Variants in BICRA observed in about 807,000 individuals in gnomAD.
BICRA encodes the protein BRD4 interacting chromatin remodeling complex associated protein.
Under a neutral mutation model 96.9 loss-of-function variants are expected in BICRA, and 31 were observed. The ratio of observed to expected loss-of-function variants is 0.32; its 90% CI spans 0.24 to 0.43. The LOEUF (loss-of-function observed/expected upper bound fraction) is 0.43, where lower values mean the gene tolerates loss of function less well. BICRA is among the 20% of genes least tolerant of loss of function. The probability of loss-of-function intolerance (pLI) is 1.00; values close to 1 mark genes in which losing one functional copy is unlikely to be tolerated. For synonymous variants in BICRA, 1,350 were observed against 1,071.8 expected, an observed-to-expected ratio of 1.26 and a Z score of -5.07; for missense variants, 2,283 against 2,190.3, an observed-to-expected ratio of 1.04 and a Z score of -0.84.
chr19:47,664,993 G>A (rs1599833274), intron 1 of BICRA, among the ~76,000 whole-genome samples: 1 of 152,102 alleles, frequency 6.6e-6, no homozygotes, highest in East Asian at 1.9e-4. Flanking sequence ...GACAATTTTG[G>A]GTCCGCAACC....
Position 47,694,935 on chromosome 19 carries a change from G to A in BICRA, c.2931G>A (p.Gly977=). The A allele has an allele frequency of 6.5e-7, 1 of 1,533,958 alleles. No homozygotes were observed. ...PSGIILQNKA[G]GAPAAPQTST... ...GAATCATCCTCCAGAACAAGGCTGG[G>A]GGGGCCCCTGCCGCCCCGCAGACCT... Residue 977 remains glycine (G), a synonymous_variant, in exon 9 of 15, where the codon GGG becomes GGA. Coordinates refer to ENST00000594866, the MANE Select transcript of BICRA (RefSeq NM_001394372.1).
chr19:47,697,214 C>CCAGTCTGGTCTTGAACTT (rs1973359868), intron 11 of BICRA, among the ~76,000 whole-genome samples: 1 of 151,994 alleles, frequency 6.6e-6, no homozygotes, highest in African/African-American at 2.4e-5. Context: ...ACCATGTTGG[C>CCAGTCTGGTCTTGAACTT]CTCAAGTGAT....
intron 1 of BICRA, among the ~76,000 whole-genome samples, chr19:47,612,020 A>G (rs1421634629): frequency 6.6e-6 from 1 of 151,854 alleles, no homozygotes; most frequent in Admixed American, 6.6e-5. Context: ...ACAGGCACCC[A>G]CCACCACACC....
Position 47,694,568 on chromosome 19 carries a change from A to G in BICRA, c.2737A>G (p.Ser913Gly), listed in dbSNP as rs1418971483. 3.8e-6 allele frequency: 6 copies of G among 1,581,534 alleles called. No individual in the cohort carries two copies. Among genetic ancestry groups the G allele is most frequent in the Non-Finnish European group, 5.1e-6 (6 of 1,165,366 alleles). Residue 913 changes from serine (S) to glycine (G), a missense_variant, in exon 8 of 15, where the codon AGC becomes GGC. By Grantham distance (56) the Ser-to-Gly change is moderately conservative. Transcript: ENST00000594866. ...PSDFQLQFPPSQGPHKSPTPP... is the reference protein window; with the variant it reads ...PSDFQLQFPPGQGPHKSPTPP... ...CGACTTCCAGCTCCAGTTCCCACCC[A>G]GCCAGGGGCCCCACAAGTCCCCCAC...
At position 47,681,033 on chromosome 19, in the gene BICRA, G is replaced by A; in HGVS notation, c.1863G>A (p.Val621=). The part of the protein sequence containing the change: ...ATGEAAPVLT[V]QPAPQAPPAV... ...GGGAGGCCGCGCCTGTCCTCACGGT[G>A]CAGCCTGCCCCCCAGGCGCCCCCCG... is the stretch of plus-strand genomic sequence containing the variant. Residue 621 remains valine (V), a synonymous_variant, in exon 6 of 15, where the codon GTG becomes GTA. Coordinates refer to ENST00000594866, the MANE Select transcript of BICRA (RefSeq NM_001394372.1). 1.4e-6 allele frequency: 2 copies of A among 1,429,384 alleles called. No homozygotes were observed. The highest frequency in any genetic ancestry group is 1.8e-6 in the Non-Finnish European group (2 of 1,100,754). 88.5% of individuals were successfully genotyped at this position (1,429,384 alleles called of 1,614,324 possible).
chr19:47,629,334 TC>T (rs1972186279), intron 1 of BICRA, among the ~76,000 whole-genome samples: 1 of 152,064 alleles, frequency 6.6e-6, no homozygotes, highest in Admixed American at 6.6e-5. Context: ...ATTCAACAAC[TC>T]CCCCCATCCC....
intron 1 of BICRA, among the ~76,000 whole-genome samples, chr19:47,659,685 TACACACACAC>T (rs10567798): frequency 0.021 from 2,820 of 132,486 alleles, 70 homozygotes; most frequent in African/African-American, 0.064. Flanking sequence ...TGGTGGTGCA[TACACACACAC>T]ACACACACAC....
Position 47,698,245 on chromosome 19 carries a change from T to G in BICRA, c.3249-389T>G, listed in dbSNP as rs1178171673. Among the ~76,000 whole-genome samples, 1 of 152,046 alleles carries G rather than the reference T, an allele frequency of 6.6e-6. No homozygotes were observed. Among genetic ancestry groups the G allele is most frequent in the African/African-American group, 2.4e-5 (1 of 41,400 alleles). On this transcript the variant is annotated intron_variant, in intron 11 of 14. Transcript: ENST00000594866. The surrounding 1 kb of genome is among the most constrained non-coding windows in gnomAD (Gnocchi z 4.8). Reference sequence around the variant, plus strand: ...ACAGGATCCAGCCTCCCTCCCTTCTTCCCGAAGGCTGCACTTTGGAGGAGG... The same window carrying G: ...ACAGGATCCAGCCTCCCTCCCTTCTGCCCGAAGGCTGCACTTTGGAGGAGG...
upstream of BICRA, among the ~76,000 whole-genome samples, chr19:47,608,648 G>A (rs1232889533): frequency 2.6e-5 from 4 of 151,836 alleles, no homozygotes; most frequent in Non-Finnish European, 5.9e-5. Flanking sequence ...TCGAGCAGGC[G>A]CGCCCCTGAA....
Position 47,680,814 on chromosome 19 carries a change from G to A in BICRA, c.1644G>A (p.Gln548=), listed in dbSNP as rs769538557. ...ACATCCTCTCCGCCGCTCCCATCCA[G>A]GTGGGCCAGCCTGCGCTCTTCCAGA... ...SAHILSAAPI[Q]VGQPALFQMP... Residue 548 remains glutamine, a synonymous_variant, in exon 6 of 15, where the codon CAG becomes CAA. Transcript: ENST00000594866. 4.4e-6 allele frequency: 7 copies of A among 1,606,756 alleles called. No homozygotes were observed. In the African/African-American group the frequency reaches 8.0e-5, roughly 18 times the overall value.
Position 47,679,818 on chromosome 19 carries a change from C to G in BICRA, c.648C>G (p.Gly216=), listed in dbSNP as rs1237223543. 11 of 1,487,036 alleles carry G rather than the reference C, an allele frequency of 7.4e-6. No homozygotes were observed. The allele number at this position is 1,487,036 out of a possible 1,614,324, so 92.1% of individuals were successfully genotyped here. A position where few individuals can be genotyped will look rare whatever the true frequency, so the allele number is the denominator to read the frequency against. Residue 216 remains glycine (G), a synonymous_variant, in exon 6 of 15, where the codon GGC becomes GGG. Coordinates refer to ENST00000594866, the MANE Select transcript of BICRA (RefSeq NM_001394372.1). ...TGCAGCCCATCCCGGGCCTCCAAGG[C>G]CTGCCCAATGGCAGCCCTGGGGGTG... ...VTLQPIPGLQ[G]LPNGSPGGAT...
chr19:47,671,726 G>T (rs1485728052), intron 2 of BICRA, among the ~76,000 whole-genome samples: 1 of 150,492 alleles, frequency 6.6e-6, no homozygotes, highest in Non-Finnish European at 1.5e-5. Context: ...TGGGTAGAAG[G>T]ATGGAGGGGA....
Position 47,676,040 on chromosome 19 carries a change from G to A in BICRA, c.150+124G>A, listed in dbSNP as rs1438835886. The A allele has an allele frequency of 3.3e-5, 21 of 638,554 alleles. No homozygotes were observed. In the Admixed American group the frequency reaches 4.7e-4, roughly 14 times the overall value. The allele number at this position is 638,554 out of a possible 1,614,324, so 39.6% of individuals were successfully genotyped here. On this transcript the variant is annotated intron_variant, in intron 5 of 14. Transcript: ENST00000594866. The stretch of plus-strand genomic sequence containing the variant: ...GGGCTGTTGACAGGAGGAGGGCGGG[G>A]GTGGGCCACCCAGGGTGGCTGGACC...
chr19:47,633,974 A>T (rs903021919), intron 1 of BICRA, among the ~76,000 whole-genome samples: 12 of 152,228 alleles, frequency 7.9e-5, no homozygotes, highest in African/African-American at 2.4e-4. Context: ...CCCTCATTTC[A>T]GAACACGTCT....
chr19:47,633,282 G>T (rs922766737), intron 1 of BICRA, among the ~76,000 whole-genome samples: 1 of 151,868 alleles, frequency 6.6e-6, no homozygotes, highest in Admixed American at 6.6e-5. Flanking sequence ...GTTTCACCAT[G>T]TTGGTCAGGC....
intron 1 of BICRA, among the ~76,000 whole-genome samples, chr19:47,650,912 C>T (rs138943932): frequency 2.0e-5 from 3 of 152,304 alleles, no homozygotes; most frequent in Admixed American, 2.0e-4. Context: ...GCCCGGTCCA[C>T]CCATCTTGAC....
intron 1 of BICRA, among the ~76,000 whole-genome samples, chr19:47,612,179 C>T (rs1472522302): frequency 6.6e-6 from 1 of 152,040 alleles, no homozygotes; most frequent in Non-Finnish European, 1.5e-5. Context: ...CTTGGGGAGA[C>T]CGAGGCTGGA....
intron 1 of BICRA, among the ~76,000 whole-genome samples, chr19:47,649,425 G>A (rs1291175314): frequency 6.6e-6 from 1 of 152,184 alleles, no homozygotes; most frequent in Non-Finnish European, 1.5e-5. Flanking sequence ...AATTCAAACA[G>A]GAACGTATTG....
chr19:47,695,484 C>T lies in BICRA; in HGVS notation c.3186+10C>T, dbSNP rs1443347853. The T allele has an allele frequency of 2.2e-6, 3 of 1,351,864 alleles. No homozygotes were observed. The South Asian group carries it at 3.7e-5, about 17-fold the overall frequency. 83.7% of individuals were successfully genotyped at this position (1,351,864 alleles called of 1,614,324 possible). A position where few individuals can be genotyped will look rare whatever the true frequency, so the allele number is the denominator to read the frequency against. ...GCCCTCCGGGCTGCAGGTAAGGGGC[C>T]CTTAGAGCAGGGGTCAGGACAGGAC... On this transcript the variant is annotated intron_variant, in intron 10 of 14. Coordinates refer to ENST00000594866, the MANE Select transcript of BICRA (RefSeq NM_001394372.1).
Sources: gnomAD v4.1 joint callset for allele counts (sites outside exome capture counted in the v4.1 genomes callset) on GRCh38, gnomAD v4.1.1 for gene constraint, Gnocchi (gnomAD v3.1) non-coding constraint, MANE v1.5 for transcripts, NCBI Gene and HGNC (gene_info 2026-07-23, HGNC 2026-07-21) for gene names.